The following PTPRD variants were observed in gnomAD, a reference collection of about 807,000 sequenced individuals.
PTPRD encodes receptor-type tyrosine-protein phosphatase delta.
In PTPRD, 34 loss-of-function variants were observed where a neutral mutation model predicts 214.5. The ratio of observed to expected loss-of-function variants is 0.16; its 90% CI spans 0.12 to 0.21. The LOEUF (loss-of-function observed/expected upper bound fraction) is 0.21, where lower values mean the gene tolerates loss of function less well. Ranked by LOEUF, PTPRD falls within the 10% of genes least tolerant of loss-of-function variation. The pLI, the probability that PTPRD is intolerant of heterozygous loss-of-function variation, is 1.00. For missense variants in PTPRD, 2,545 were observed against 2,398.7 expected (o/e 1.06, Z -1.27); for synonymous variants, 1,128 against 845.7 (o/e 1.33, Z -5.79).
At chr9:10,254,309 G>T (rs1564811982) in intron 3 of PTPRD, among the ~76,000 whole-genome samples, 1 of 152,152 alleles carries the variant, frequency 6.6e-6, no homozygotes. Context: ...GATTTACCAA[G>T]ATTGCTTAAT....
At chr9:10,464,390 G>GAGAGAGAGAGAGATAGAGAGAC (rs2098979406) in intron 2 of PTPRD, among the ~76,000 whole-genome samples, 1 of 147,104 alleles carries the variant, frequency 6.8e-6, no homozygotes. Context: ...AAGAGAGAAA[G>GAGAGAGAGAGAGATAGAGAGAC]AGAGAGAGAG....
chr9:9,870,052 C>T (rs2153710183), intron 5 of PTPRD, among the ~76,000 whole-genome samples: 1 of 152,120 alleles, frequency 6.6e-6, no homozygotes, highest in African/African-American at 2.4e-5. Context: ...GAAGTATCTA[C>T]AGGTACTTGA....
intron 3 of PTPRD, among the ~76,000 whole-genome samples, chr9:10,210,723 T>C (rs1287126655): frequency 6.2e-5 from 9 of 145,814 alleles, no homozygotes; most frequent in Non-Finnish European, 1.4e-4. Context: ...TGTTTGATTT[T>C]ATATATATAA....
At chr9:8,911,127 T>A (rs2098744123) in intron 11 of PTPRD, among the ~76,000 whole-genome samples, 1 of 152,210 alleles carries the variant, frequency 6.6e-6, no homozygotes, top group African/African-American at 2.4e-5. Flanking sequence ...TTAAAATTTA[T>A]ATGAATTCAA....
chr9:8,924,225 A>C (rs1290545368), intron 11 of PTPRD, among the ~76,000 whole-genome samples: 1 of 112,978 alleles, frequency 8.9e-6, no homozygotes, highest in African/African-American at 3.5e-5. Context: ...AACATTGGCA[A>C]AGTATCAACC....
At chr9:8,813,959 G>A (rs139446768) in intron 11 of PTPRD, among the ~76,000 whole-genome samples, 40 of 152,114 alleles carry the variant, frequency 2.6e-4, no homozygotes, top group African/African-American at 9.4e-4. Context: ...CATTTCTTTC[G>A]GCCTTCCTCT....
At chr9:9,355,407 G>A (rs1456626600) in intron 9 of PTPRD, among the ~76,000 whole-genome samples, 1 of 151,504 alleles carries the variant, frequency 6.6e-6, no homozygotes, top group African/African-American at 2.4e-5. Context: ...GCTTAATTAT[G>A]AAAATGTGTT....
chr9:8,953,933 G>T (rs10977397), intron 11 of PTPRD, among the ~76,000 whole-genome samples: 42,343 of 151,854 alleles, frequency 0.28, 6,702 homozygotes, highest in Non-Finnish European at 0.36. Context: ...AAAGCAGTTT[G>T]GGGATTTCTT....
intron 27 of PTPRD, 76 bp downstream of exon 27, chr9:8,492,786 C>A: frequency 1.0e-6 from 1 of 1,002,898 alleles, no homozygotes; most frequent in South Asian, 2.0e-5. Flanking sequence ...ATAATAAAAG[C>A]CTGCTAGAAG....
At chr9:9,050,300 T>C (rs1044428038) in intron 10 of PTPRD, among the ~76,000 whole-genome samples, 1 of 152,142 alleles carries the variant, frequency 6.6e-6, no homozygotes, top group Non-Finnish European at 1.5e-5. Context: ...TGCAATGCAA[T>C]GAAGGAAGAT....
intron 11 of PTPRD, among the ~76,000 whole-genome samples, chr9:8,791,714 G>C (rs1291461480): frequency 2.0e-5 from 3 of 151,852 alleles, no homozygotes; most frequent in Non-Finnish European, 4.4e-5. Flanking sequence ...TGAGGGGAAA[G>C]AAAGGAACGT....
intron 34 of PTPRD, among the ~76,000 whole-genome samples, chr9:8,445,813 T>G (rs989328241): frequency 6.6e-6 from 1 of 152,228 alleles, no homozygotes; most frequent in African/African-American, 2.4e-5. Flanking sequence ...GGGTTGGTGA[T>G]TCTTTTTTCA....
intron 18 of PTPRD, among the ~76,000 whole-genome samples, chr9:8,524,419 A>T (rs999541580): frequency 3.3e-5 from 5 of 152,202 alleles, no homozygotes; most frequent in African/African-American, 7.2e-5. Flanking sequence ...CAGAAATGCA[A>T]CTGTGCTATT....
intron 7 of PTPRD, among the ~76,000 whole-genome samples, chr9:9,703,259 C>T (rs190755235): frequency 2.9e-4 from 44 of 152,220 alleles, no homozygotes; most frequent in Non-Finnish European, 5.3e-4. Flanking sequence ...AGAGGCCTTC[C>T]TAGCCATGCT....
intron 3 of PTPRD, among the ~76,000 whole-genome samples, chr9:10,207,228 TC>T (rs1379126457): frequency 1.3e-5 from 2 of 151,474 alleles, no homozygotes; most frequent in Non-Finnish European, 2.9e-5. Context: ...AGATTTGTTT[TC>T]TTTTCTTGAA....
intron 10 of PTPRD, among the ~76,000 whole-genome samples, chr9:9,087,677 A>G (rs936188663): frequency 3.9e-5 from 6 of 152,232 alleles, no homozygotes; most frequent in African/African-American, 1.2e-4. Flanking sequence ...TGAATATCCC[A>G]AACTACCAAA....
At chr9:9,179,345 C>T (rs1290216013) in intron 10 of PTPRD, among the ~76,000 whole-genome samples, 1 of 151,988 alleles carries the variant, frequency 6.6e-6, no homozygotes, top group Non-Finnish European at 1.5e-5. Context: ...TTATGTTCAC[C>T]CCACATATTT....
At chr9:9,993,363 C>A (rs761162456) in intron 4 of PTPRD, among the ~76,000 whole-genome samples, 3 of 152,056 alleles carry the variant, frequency 2.0e-5, no homozygotes, top group Non-Finnish European at 4.4e-5. Flanking sequence ...TGTTCAAGGT[C>A]GTATGTTTTT....
chr9:10,439,494 AGGTAGT>A (rs1415114989), intron 2 of PTPRD, among the ~76,000 whole-genome samples: 4 of 151,842 alleles, frequency 2.6e-5, no homozygotes, highest in Non-Finnish European at 5.9e-5. Context: ...TTTATTTACA[AGGTAGT>A]GGTCTTGGAC....
Sources: allele counts gnomAD v4.1 joint callset (sites outside exome capture counted in the v4.1 genomes callset), GRCh38; gene constraint gnomAD v4.1.1; transcripts MANE v1.5; gene names NCBI Gene and HGNC (gene_info 2026-07-23, HGNC 2026-07-21).